Variants in PPP6R1 observed in about 807,000 individuals in gnomAD.
The protein encoded by PPP6R1 is protein phosphatase 6 regulatory subunit 1.
A neutral mutation model predicts 104.6 loss-of-function variants in PPP6R1; 39 were observed. That is an observed-to-expected ratio of 0.37 (90% confidence interval 0.29 to 0.49). The LOEUF is 0.49. Ranked by LOEUF, PPP6R1 falls within the 20% of genes least tolerant of loss-of-function variation. The pLI is 0.98. For missense variants in PPP6R1, 1,181 were observed against 1,155.8 expected, an observed-to-expected ratio of 1.02 and a Z score of -0.32; for synonymous variants, 549 against 479.0, an observed-to-expected ratio of 1.15 and a Z score of -1.91.
At chr19:55,255,232 C>G (rs1039256410) in intron 1 of PPP6R1, among the ~76,000 whole-genome samples, 1 of 152,210 alleles carries the variant, frequency 6.6e-6, no homozygotes, top group Non-Finnish European at 1.5e-5. Context: ...AAACACTGGC[C>G]AAGGACTGGG....
Position 55,239,086 on chromosome 19 carries a change from G to A in PPP6R1, c.1751+319C>T, listed in dbSNP as rs75404645. ...GTCCCCACTACCCTGAGCCCCTCCC[G>A]CCTGGAACCCCTAAGGCTAGCTCCA... On this transcript the variant is annotated intron_variant, in intron 15 of 23. Coordinates refer to ENST00000412770, the MANE Select transcript of PPP6R1 (RefSeq NM_014931.4). The A allele has an allele frequency of 1.6e-3, 601 of 366,746 alleles. 6 individuals carry two copies. The East Asian group carries it at 0.036, about 22-fold the overall frequency. The allele number at this position is 366,746 out of a possible 1,614,324, so 22.7% of individuals were successfully genotyped here.
chr19:55,242,054 C>T (rs1600110180), intron 7 of PPP6R1, 112 bp downstream of exon 7: 8 of 998,116 alleles, frequency 8.0e-6, no homozygotes. Flanking sequence ...AGCCACAGAG[C>T]AAGGTGCCAC....
chr19:55,231,494 G>A lies in PPP6R1; in HGVS notation c.2378-3C>T. On this transcript the variant is annotated splice_polypyrimidine_tract_variant and splice_region_variant and intron_variant, in intron 20 of 23. Coordinates refer to ENST00000412770, the MANE Select transcript of PPP6R1 (RefSeq NM_014931.4). ...GCTAACCAAGGCCTGGCAAGGGGCT[G>A]TGGGGGATAAGAGATCTCAGCTGCA... 1 of 1,606,370 alleles carries A rather than the reference G, an allele frequency of 6.2e-7. No homozygotes were observed. Among genetic ancestry groups the A allele is most frequent in the Non-Finnish European group, 8.5e-7 (1 of 1,176,698 alleles).
chr19:55,242,590 T>C, intron 5 of PPP6R1, 102 bp from the exon 6 acceptor site: 3 of 976,010 alleles, frequency 3.1e-6, no homozygotes, highest in Non-Finnish European at 4.9e-6. Context: ...CAGGGAAAAA[T>C]GGTCACCCAG....
intron 1 of PPP6R1, among the ~76,000 whole-genome samples, chr19:55,253,745 G>A (rs985942872): frequency 6.6e-6 from 1 of 152,196 alleles, no homozygotes; most frequent in Non-Finnish European, 1.5e-5. Context: ...CACAACCTCT[G>A]AATGCACTAT....
rs1451482660 is a variant in PPP6R1 at position 55,241,252 on chromosome 19, G to A, written c.1148C>T (p.Pro383Leu). ...LTHELLALDV[P>L]NTMLDLFFHY... is the part of the protein sequence containing the mutation. Reference sequence around the variant, plus strand: ...CAGTCCCCGCACCAGCATGGTGTTGGGCACGTCCAGTGCCAGGAGCTCGTG... The same window carrying A: ...CAGTCCCCGCACCAGCATGGTGTTGAGCACGTCCAGTGCCAGGAGCTCGTG... Residue 383 changes from proline (P) to leucine (L), a missense_variant, in exon 9 of 24, where the codon CCC becomes CTC. Coordinates refer to ENST00000412770, the MANE Select transcript of PPP6R1 (RefSeq NM_014931.4). The surrounding 1 kb of genome is among the most constrained non-coding windows in gnomAD (Gnocchi z 5.4). The A allele has an allele frequency of 1.9e-6, 3 of 1,600,946 alleles. No homozygotes were observed. Among genetic ancestry groups the A allele is most frequent in the Non-Finnish European group, 2.6e-6 (3 of 1,175,822 alleles).
intron 17 of PPP6R1, 186 bp from the exon 18 acceptor site, chr19:55,232,397 C>T (rs945468722): frequency 1.6e-5 from 13 of 824,442 alleles, no homozygotes; most frequent in Middle Eastern, 3.7e-4. Context: ...TCTGAGCCAA[C>T]GGCAAGAACA....
rs1003027013 is a variant in PPP6R1 at position 55,231,863 on chromosome 19, G to A, written c.2245C>T (p.Pro749Ser). ...AGGCTCTGAGTGGGGAGGCCCTGGG[G>A]CACACTGAGGGGCCCCTGTGGGGCT... ...PPAPQGPLSVPQGLPTQSLAS... is the reference protein window; with the variant it reads ...PPAPQGPLSVSQGLPTQSLAS... Residue 749 changes from proline (P) to serine (S), a missense_variant, in exon 19 of 24, where the codon CCC becomes TCC. Around this residue, in one of 2 missense-constraint regions of PPP6R1, gnomAD observed 1,042 missense variants for 955.6 expected, o/e 1.09. Transcript: ENST00000412770. 2.7e-6 allele frequency: 4 copies of A among 1,504,168 alleles called. No homozygotes were observed. Among genetic ancestry groups the A allele is most frequent in the Non-Finnish European group, 3.5e-6 (4 of 1,126,900 alleles). The allele number at this position is 1,504,168 out of a possible 1,614,324, so 93.2% of individuals were successfully genotyped here.
At chr19:55,242,353 C>G in intron 6 of PPP6R1, 23 bp downstream of exon 6, 1 of 1,612,520 alleles carries the variant, frequency 6.2e-7, no homozygotes. Context: ...TCCCCCCAGC[C>G]TTAGCCTTGC....
At position 55,242,659 on chromosome 19, in the gene PPP6R1, G is replaced by T. The variant is rs534986731; in HGVS notation, c.619-171C>A. The T allele has an allele frequency of 2.0e-4, 127 of 627,164 alleles. 2 individuals are homozygous for T. In the South Asian group the frequency reaches 2.1e-3, roughly 10 times the overall value. 38.8% of individuals were successfully genotyped at this position (627,164 alleles called of 1,614,324 possible). On this transcript the variant is annotated intron_variant, in intron 5 of 23. Transcript: ENST00000412770. The stretch of plus-strand genomic sequence containing the variant: ...CAGAGGCACCAACTGCTGGAGGGAA[G>T]ATGGTGGAGAGAACAGGAAGCCCGG...
Position 55,241,339 on chromosome 19 carries a change from G to A in PPP6R1, c.1061C>T (p.Thr354Met), listed in dbSNP as rs764115485. The change falls in exon 9 of 24, where the codon ACG becomes ATG. Residue 354 changes from threonine (T) to methionine (M), a missense_variant. By Grantham distance (81) the Thr-to-Met change is moderately conservative. Coordinates refer to ENST00000412770, the MANE Select transcript of PPP6R1 (RefSeq NM_014931.4). This position sits in a 1 kb window ranked among gnomAD's most constrained non-coding sequence, Gnocchi z 5.4. The part of the protein sequence containing the change: ...WGMLAPPLGN[T>M]RLHVVKLLAS... ...CAGGAGCTTGACCACGTGCAGCCGC[G>A]TGTTGCCCAGAGGCGGAGCCAGCAT... 5.6e-6 allele frequency: 9 copies of A among 1,611,712 alleles called. No individual in the cohort carries two copies. The highest frequency in any genetic ancestry group is 1.6e-4 in the Middle Eastern group (1 of 6,080).
intron 1 of PPP6R1, among the ~76,000 whole-genome samples, chr19:55,252,696 G>A (rs181081077): frequency 0.013 from 1,972 of 151,922 alleles, 16 homozygotes; most frequent in Non-Finnish European, 0.019. Flanking sequence ...CACCACGCCC[G>A]GCCTAATTTT....
chr19:55,245,243 C>G lies in PPP6R1; in HGVS notation c.552+22G>C. On this transcript the variant is annotated intron_variant, in intron 4 of 23. Coordinates refer to ENST00000412770, the MANE Select transcript of PPP6R1 (RefSeq NM_014931.4). This position sits in a 1 kb window ranked among gnomAD's most constrained non-coding sequence, Gnocchi z 6.4. ...TCCACCACGCCCAGCCCCCCACCCC[C>G]AGAGGAGCCGGCCCTGCTCACATTG... is the stretch of plus-strand genomic sequence containing the variant. 3.1e-6 allele frequency: 5 copies of G among 1,599,684 alleles called. No homozygotes were observed. The highest frequency in any genetic ancestry group is 3.4e-6 in the Non-Finnish European group (4 of 1,173,476).
intron 17 of PPP6R1, 48 bp downstream of exon 17, chr19:55,236,595 C>T: frequency 6.8e-7 from 1 of 1,468,006 alleles, no homozygotes. Flanking sequence ...CCCCTTGGCC[C>T]TGCCGTGTGG....
In PPP6R1 at chr19:55,245,552, T is replaced by G. The variant is rs1217629162; in HGVS notation, c.354A>C (p.Pro118=). Residue 118 remains proline (P), a synonymous_variant, in exon 3 of 24, where the codon CCA becomes CCC. Transcript: ENST00000412770. The surrounding 1 kb of genome is among the most constrained non-coding windows in gnomAD (Gnocchi z 6.4). ...GFLQSTGSLN[P]LLASFFSKVM... is the part of the protein sequence containing the mutation. ...CCTTGCTGAAGAAGCTGGCCAGCAG[T>G]GGGTTGAGGCTGCCGGTGCTCTGCA... 1 of 1,611,272 alleles carries G rather than the reference T, an allele frequency of 6.2e-7. No homozygotes were observed. The highest frequency in any genetic ancestry group is 1.7e-5 in the Admixed American group (1 of 59,642).
Position 55,240,966 on chromosome 19 carries a change from G to A in PPP6R1, c.1275C>T (p.Ile425=). The A allele has an allele frequency of 6.2e-7, 1 of 1,605,056 alleles. No homozygotes were observed. The highest frequency in any genetic ancestry group is 1.1e-5 in the South Asian group (1 of 88,726). ...PPPDSSPETP[I]QNPVVKHLLQ... ...TCACATGTTTCACAACAGGGTTTTG[G>A]ATGGGCGTCTCAGGGCTGCTGTCAG... Residue 425 remains isoleucine, a synonymous_variant, in exon 10 of 24, where the codon ATC becomes ATT. Transcript: ENST00000412770.
intron 2 of PPP6R1, among the ~76,000 whole-genome samples, chr19:55,246,654 G>A (rs568177049): frequency 1.3e-5 from 2 of 152,304 alleles, no homozygotes; most frequent in African/African-American, 2.4e-5. Context: ...TGTGGCTGCC[G>A]TGACCCGTGA....
chr19:55,241,486 C>A lies in PPP6R1; in HGVS notation c.999G>T (p.Glu333Asp). ...AACCCACACCCCTGACCTTGGGAGG[C>A]TCCAGCAGGAGCTGGTGGAAGCAGC... The part of the protein sequence containing the change: ...RLSCFHQLLL[E>D]PPKLEPLQMT... The change falls in exon 8 of 24, where the codon GAG becomes GAT. Residue 333 changes from glutamate to aspartate, a missense_variant. By Grantham distance (45) the Glu-to-Asp change is conservative. Coordinates refer to ENST00000412770, the MANE Select transcript of PPP6R1 (RefSeq NM_014931.4). This position sits in a 1 kb window ranked among gnomAD's most constrained non-coding sequence, Gnocchi z 5.4. 1 of 1,601,908 alleles carries A rather than the reference C, an allele frequency of 6.2e-7. No homozygotes were observed. Among genetic ancestry groups the A allele is most frequent in the Non-Finnish European group, 8.5e-7 (1 of 1,174,560 alleles).
rs767132448 is a variant in PPP6R1, at chr19:55,246,979, C to A, written c.125G>T (p.Arg42Leu). The A allele has an allele frequency of 1.9e-6, 3 of 1,613,858 alleles. No homozygotes were observed. Among genetic ancestry groups the A allele is most frequent in the East Asian group, 4.5e-5 (2 of 44,880 alleles). ...CTGCAGCAGGAAGTCCAGCAGCTTG[C>A]GGTTGACGACCTTGCACTCCTGCAG... is the stretch of plus-strand genomic sequence containing the variant. ...DVLQECKVVNRKLLDFLLQPP... is the reference protein window; with the variant it reads ...DVLQECKVVNLKLLDFLLQPP... Residue 42 changes from arginine (R) to leucine (L), a missense_variant, in exon 2 of 24, where the codon CGC becomes CTC. Physicochemically the swap from Arg to Leu is moderately radical, Grantham distance 102. Transcript: ENST00000412770.
Sources: allele counts gnomAD v4.1 joint callset (sites outside exome capture counted in the v4.1 genomes callset), GRCh38; gene constraint gnomAD v4.1.1; regional missense constraint gnomAD v4.1.1; non-coding constraint Gnocchi (gnomAD v3.1); transcripts MANE v1.5; gene names NCBI Gene and HGNC (gene_info 2026-07-23, HGNC 2026-07-21).